The following MYCT1 variants were observed in gnomAD, a reference collection of about 807,000 sequenced individuals.
MYCT1 encodes myc target protein 1.
MYCT1 carries 12 observed loss-of-function variants against 15.0 expected under a neutral mutation model. The observed-to-expected ratio is 0.80, with a 90% CI of 0.51 to 1.29. The LOEUF is 1.29. MYCT1 is among the 50% of genes most tolerant of loss of function. The pLI is 0.00. For missense variants in MYCT1, 287 were observed against 279.1 expected, an observed-to-expected ratio of 1.03 and a Z score of -0.20; for synonymous variants, 104 against 102.7, an observed-to-expected ratio of 1.01 and a Z score of -0.07.
chr6:152,701,036 G>A (rs766786089), intron 1 of MYCT1, among the ~76,000 whole-genome samples: 4 of 152,238 alleles, frequency 2.6e-5, no homozygotes, highest in East Asian at 1.9e-4. Context: ...TGATAAAATA[G>A]CAATGGTTGA....
At chr6:152,728,638 G>A (rs779573432), downstream of MYCT1, among the ~76,000 whole-genome samples, 1 of 152,234 alleles carries the variant, frequency 6.6e-6, no homozygotes, top group Non-Finnish European at 1.5e-5. Context: ...GCTCATGCCT[G>A]TAATCCCAGT....
At chr6:152,716,005 T>G (rs1182956464) in intron 1 of MYCT1, among the ~76,000 whole-genome samples, 2 of 152,110 alleles carry the variant, frequency 1.3e-5, no homozygotes, top group Non-Finnish European at 2.9e-5. Flanking sequence ...TGACTTACAT[T>G]TTATAATGTT....
At chr6:152,721,077 G>C (rs960356709) in intron 1 of MYCT1, among the ~76,000 whole-genome samples, 1 of 152,176 alleles carries the variant, frequency 6.6e-6, no homozygotes, top group Non-Finnish European at 1.5e-5. Context: ...CGTAACAGAA[G>C]CATGAGCTGG....
Position 152,721,777 on chromosome 6 carries a change from A to G in MYCT1, c.232A>G (p.Ile78Val), listed in dbSNP as rs1389726730. ...LIMSFTVSMA[I>V]GLVLGGFIWA... Reference sequence around the variant, plus strand: ...CATGTCCTTCACTGTATCCATGGCAATCGGGCTGGTACTTGGAGGATTTAT... The same window carrying G: ...CATGTCCTTCACTGTATCCATGGCAGTCGGGCTGGTACTTGGAGGATTTAT... Residue 78 changes from isoleucine to valine, a missense_variant, in exon 2 of 2, where the codon ATC becomes GTC. Ile to Val is a conservative substitution (Grantham distance 29, BLOSUM62 3). Transcript: ENST00000367245. 2 of 1,613,910 alleles carry G rather than the reference A, an allele frequency of 1.2e-6. No individual in the cohort carries two copies. The highest frequency in any genetic ancestry group is 1.7e-6 in the Non-Finnish European group (2 of 1,180,012).
intron 1 of MYCT1, among the ~76,000 whole-genome samples, chr6:152,715,545 G>C (rs764525766): frequency 7.4e-6 from 1 of 135,484 alleles, no homozygotes; most frequent in Non-Finnish European, 1.6e-5. Flanking sequence ...AGCTCATAAT[G>C]GTTATGCGTC....
intron 1 of MYCT1, among the ~76,000 whole-genome samples, chr6:152,712,942 T>C (rs1425326121): frequency 1.3e-5 from 2 of 152,086 alleles, no homozygotes; most frequent in Non-Finnish European, 2.9e-5. Context: ...TGTAGATTAA[T>C]TTGTTTCACT....
chr6:152,704,760 T>A (rs952445696), intron 1 of MYCT1, among the ~76,000 whole-genome samples: 1 of 152,192 alleles, frequency 6.6e-6, no homozygotes. Context: ...ATATTTAAGG[T>A]GTCCAACATG....
At chr6:152,706,727 G>T (rs1197956065) in intron 1 of MYCT1, among the ~76,000 whole-genome samples, 1 of 152,006 alleles carries the variant, frequency 6.6e-6, no homozygotes, top group Non-Finnish European at 1.5e-5. Flanking sequence ...TAAAAGTTAG[G>T]GGTATTAAAT....
At chr6:152,740,516 T>C in the MYCT1 span, among the ~76,000 whole-genome samples, 1 of 152,250 alleles carries the variant, frequency 6.6e-6, no homozygotes, top group East Asian at 1.9e-4. Flanking sequence ...TGTACAAAAA[T>C]AGAAATATAA....
At position 152,722,169 on chromosome 6, in the gene MYCT1, G is replaced by T. The variant is rs2099724832; in HGVS notation, c.624G>T (p.Trp208Cys). 1 of 1,614,056 alleles carries T rather than the reference G, an allele frequency of 6.2e-7. No individual in the cohort carries two copies. Among genetic ancestry groups the T allele is most frequent in the Non-Finnish European group, 8.5e-7 (1 of 1,180,020 alleles). ...ACAGTCTGAGCCGTCCTGACTACTGGTCCAGTAACAGTCTTCGAGTGGGCC... is the reference window on the plus strand; with the variant it reads ...ACAGTCTGAGCCGTCCTGACTACTGTTCCAGTAACAGTCTTCGAGTGGGCC... ...TSHSLSRPDY[W>C]SSNSLRVGLS... Residue 208 changes from tryptophan to cysteine, a missense_variant, in exon 2 of 2, where the codon TGG becomes TGT. Trp to Cys is a radical substitution (Grantham distance 215). Transcript: ENST00000367245.
At chr6:152,726,467 A>G (rs1234365888), downstream of MYCT1, among the ~76,000 whole-genome samples, 1 of 150,810 alleles carries the variant, frequency 6.6e-6, no homozygotes, top group African/African-American at 2.4e-5. Context: ...GGATAGTTCT[A>G]CCCTCACCCA....
At position 152,724,534 on chromosome 6, in the gene MYCT1, T is replaced by A. The variant is rs1273210366; in HGVS notation, c.*2281T>A. 6.6e-6 allele frequency: 1 copy of A among 152,170 alleles called. No homozygotes were observed. The highest frequency in any genetic ancestry group is 1.5e-5 in the Non-Finnish European group (1 of 68,030). The allele number at this position is 152,170 out of a possible 1,614,324, so 9.4% of individuals were successfully genotyped here. On this transcript the variant is annotated 3_prime_UTR_variant, in exon 2 of 2. Transcript: ENST00000367245. The stretch of plus-strand genomic sequence containing the variant: ...AATGTATTTCTTTAATTTGAAATGT[T>A]TTGTGGATTGTGAAATAAAAATAAA...
chr6:152,730,290 T>G, the MYCT1 span, among the ~76,000 whole-genome samples: 1 of 152,298 alleles, frequency 6.6e-6, no homozygotes, highest in South Asian at 2.1e-4. Context: ...AGTCCAAATC[T>G]GGACCCAGGT....
downstream of MYCT1, among the ~76,000 whole-genome samples, chr6:152,726,225 T>C (rs1169812454): frequency 1.3e-5 from 2 of 151,960 alleles, no homozygotes; most frequent in Non-Finnish European, 2.9e-5. Flanking sequence ...GGAGAAACCC[T>C]GTCTCTACTA....
downstream of MYCT1, among the ~76,000 whole-genome samples, chr6:152,726,167 C>A (rs976794200): frequency 1.3e-5 from 2 of 151,914 alleles, no homozygotes; most frequent in African/African-American, 2.4e-5. Flanking sequence ...GAGGCCGAGG[C>A]GGGCAGATCA....
At chr6:152,701,231 A>T (rs1447489528) in intron 1 of MYCT1, among the ~76,000 whole-genome samples, 1 of 152,188 alleles carries the variant, frequency 6.6e-6, no homozygotes, top group African/African-American at 2.4e-5. Flanking sequence ...GTTCACTCAG[A>T]AGCGTTCGCT....
downstream of MYCT1, among the ~76,000 whole-genome samples, chr6:152,725,815 G>C (rs902099376): frequency 6.6e-6 from 1 of 152,102 alleles, no homozygotes; most frequent in Non-Finnish European, 1.5e-5. Flanking sequence ...CTTGTATGGA[G>C]ACCAAGCCTG....
chr6:152,734,789 G>C, the MYCT1 span, among the ~76,000 whole-genome samples: 1 of 152,056 alleles, frequency 6.6e-6, no homozygotes, highest in Non-Finnish European at 1.5e-5. Flanking sequence ...GCTCACTCAG[G>C]CATATTGTAG....
the MYCT1 span, among the ~76,000 whole-genome samples, chr6:152,740,826 T>C: frequency 5.2e-3 from 791 of 152,318 alleles, 6 homozygotes; most frequent in African/African-American, 0.018. Flanking sequence ...AGATATATTT[T>C]TCTTTAGCCA....
Sources: gnomAD v4.1 joint callset for allele counts (sites outside exome capture counted in the v4.1 genomes callset) on GRCh38, gnomAD v4.1.1 for gene constraint, MANE v1.5 for transcripts, NCBI Gene and HGNC (gene_info 2026-07-23, HGNC 2026-07-21) for gene names.